IGDCC3: variants seen among roughly 807,000 people sequenced by gnomAD.
IGDCC3 encodes the protein immunoglobulin superfamily DCC subclass member 3, also known as putative neuronal cell adhesion molecule.
Under a neutral mutation model 72.0 loss-of-function variants are expected in IGDCC3, and 47 were observed. The observed-to-expected ratio is 0.65, with a 90% CI of 0.52 to 0.83. IGDCC3 has a LOEUF of 0.83. IGDCC3 is among the 40% of genes least tolerant of loss of function. The pLI is 0.00. For missense variants in IGDCC3, 1,038 were observed against 1,091.3 expected, an observed-to-expected ratio of 0.95 and a Z score of 0.69; for synonymous variants, 477 against 472.8, an observed-to-expected ratio of 1.01 and a Z score of -0.11.
intron 2 of IGDCC3, among the ~76,000 whole-genome samples, chr15:65,337,740 G>A (rs559017290): frequency 6.6e-6 from 1 of 152,152 alleles, no homozygotes; most frequent in Admixed American, 6.5e-5. Flanking sequence ...ATGAGCCCAG[G>A]GAGTGGAGAG....
At chr15:65,332,134 C>T (rs200565305) in intron 6 of IGDCC3, 28 bp from the exon 7 acceptor site, 27 of 1,601,616 alleles carry the variant, frequency 1.7e-5, no homozygotes, top group Non-Finnish European at 2.1e-5. Flanking sequence ...AGGGTGGGGG[C>T]GCAGACAGAC....
chr15:65,348,180 A>G (rs150751421), intron 2 of IGDCC3, among the ~76,000 whole-genome samples: 3,655 of 152,302 alleles, frequency 0.024, 52 homozygotes, highest in African/African-American at 0.041. Flanking sequence ...TTAGCATATC[A>G]TCAAGAAATA....
In IGDCC3 at chr15:65,329,066, T is replaced by C. The variant is rs1206932701; in HGVS notation, c.2288A>G (p.Lys763Arg). 2 of 1,611,776 alleles carry C rather than the reference T, an allele frequency of 1.2e-6. No individual in the cohort carries two copies. Among genetic ancestry groups the C allele is most frequent in the Non-Finnish European group, 1.7e-6 (2 of 1,179,154 alleles). The stretch of plus-strand genomic sequence containing the variant: ...CTCTGTGGTCTTCGCCTCCGTCGTC[T>C]TCCCCTCCATCAGGCCGCACCCCTG... ...PLQGCGLMEG[K>R]TTEAKTTEAT... The change falls in exon 14 of 14, where the codon AAG (lysine) becomes AGG (arginine). Residue 763 changes from lysine to arginine, a missense_variant. By Grantham distance (26) the Lys-to-Arg change is conservative (BLOSUM62 2). Transcript: ENST00000327987. The surrounding 1 kb of genome is among the most constrained non-coding windows in gnomAD (Gnocchi z 4.1).
intron 2 of IGDCC3, among the ~76,000 whole-genome samples, chr15:65,361,252 G>T (rs1372847146): frequency 6.6e-6 from 1 of 150,560 alleles, no homozygotes; most frequent in Non-Finnish European, 1.5e-5. Flanking sequence ...ACATAGTAGG[G>T]TCTAGTTTCT....
At chr15:65,363,650 C>A (rs2091274035) in intron 2 of IGDCC3, among the ~76,000 whole-genome samples, 1 of 149,252 alleles carries the variant, frequency 6.7e-6, no homozygotes, top group Non-Finnish European at 1.5e-5. Context: ...CTGCTGCCCA[C>A]CCCCGCCACC....
At chr15:65,342,030 C>A (rs911033523) in intron 2 of IGDCC3, among the ~76,000 whole-genome samples, 5 of 152,108 alleles carry the variant, frequency 3.3e-5, no homozygotes, top group African/African-American at 1.2e-4. Context: ...CCAGCTGGGC[C>A]TCCCAAAGTG....
chr15:65,366,272 A>G (rs2140168065), intron 2 of IGDCC3, among the ~76,000 whole-genome samples: 1 of 150,738 alleles, frequency 6.6e-6, no homozygotes, highest in South Asian at 2.1e-4. Flanking sequence ...CCAGCTACTC[A>G]GGAGGCTGAG....
At chr15:65,368,385 G>A (rs966016095) in intron 2 of IGDCC3, among the ~76,000 whole-genome samples, 2 of 152,182 alleles carry the variant, frequency 1.3e-5, no homozygotes, top group African/African-American at 2.4e-5. Flanking sequence ...CAGCCAAGGC[G>A]CCTGGCCGCT....
intron 2 of IGDCC3, among the ~76,000 whole-genome samples, chr15:65,336,515 T>C (rs2091030369): frequency 6.6e-6 from 1 of 151,916 alleles, no homozygotes; most frequent in Non-Finnish European, 1.5e-5. Context: ...CGGGAGCTTT[T>C]TTTTGGTCCC....
chr15:65,330,482 C>G (rs1454099541), intron 10 of IGDCC3, 68 bp downstream of exon 10: 1 of 1,570,102 alleles, frequency 6.4e-7, no homozygotes, highest in Admixed American at 1.7e-5. Flanking sequence ...GACCCCTGTA[C>G]GCCACCTCCT....
At chr15:65,344,831 G>A (rs2091112992) in intron 2 of IGDCC3, among the ~76,000 whole-genome samples, 1 of 152,192 alleles carries the variant, frequency 6.6e-6, no homozygotes, top group South Asian at 2.1e-4. Flanking sequence ...GGGGCTGTGT[G>A]CTGTGGGATG....
In IGDCC3 at chr15:65,329,093, A is replaced by C. The variant is rs972299098; in HGVS notation, c.2261T>G (p.Leu754Arg). 3 of 1,611,014 alleles carry C rather than the reference A, an allele frequency of 1.9e-6. No individual in the cohort carries two copies. The highest frequency in any genetic ancestry group is 2.5e-6 in the Non-Finnish European group (3 of 1,179,034). The change falls in exon 14 of 14, where the codon CTT becomes CGT. Residue 754 changes from leucine to arginine, a missense_variant. By Grantham distance (102) the Leu-to-Arg change is moderately radical. Transcript: ENST00000327987. This position sits in a 1 kb window ranked among gnomAD's most constrained non-coding sequence, Gnocchi z 4.1. The part of the protein sequence containing the change: ...CEETQLSVLP[L>R]QGCGLMEGKT... Reference sequence around the variant, plus strand: ...CCCCTCCATCAGGCCGCACCCCTGAAGTGGCAGCACGGAGAGCTGGGTCTC... The same window carrying C: ...CCCCTCCATCAGGCCGCACCCCTGACGTGGCAGCACGGAGAGCTGGGTCTC...
chr15:65,356,390 C>G (rs1049878517), intron 2 of IGDCC3: 3 of 152,248 alleles, frequency 2.0e-5, no homozygotes, highest in Non-Finnish European at 4.4e-5. Context: ...AAGGGGAGGT[C>G]TGCAAAGCAA....
chr15:65,343,409 G>C (rs1595755370), intron 2 of IGDCC3, among the ~76,000 whole-genome samples: 1 of 149,544 alleles, frequency 6.7e-6, no homozygotes, highest in South Asian at 2.2e-4. Context: ...GGTGTGGGGG[G>C]AGGACATGTG....
chr15:65,372,095 C>G (rs187286408), intron 2 of IGDCC3, among the ~76,000 whole-genome samples: 110 of 152,274 alleles, frequency 7.2e-4, no homozygotes, highest in Non-Finnish European at 1.3e-3. Flanking sequence ...CCATGGGCAG[C>G]CAAGATTACA....
At chr15:65,347,968 A>G (rs188332923) in intron 2 of IGDCC3, among the ~76,000 whole-genome samples, 189 of 140,932 alleles carry the variant, frequency 1.3e-3, no homozygotes, top group African/African-American at 4.7e-3. Context: ...CAACAACAAA[A>G]CAAACAAACA....
intron 6 of IGDCC3, among the ~76,000 whole-genome samples, chr15:65,332,887 G>A (rs2090990908): frequency 6.6e-6 from 1 of 152,246 alleles, no homozygotes; most frequent in African/African-American, 2.4e-5. Flanking sequence ...CAGGCAGGCA[G>A]GTGTGAGCGT....
At chr15:65,375,053 AC>A (rs759243685) in intron 2 of IGDCC3, 43 bp downstream of exon 2, 1 of 1,560,346 alleles carries the variant, frequency 6.4e-7, no homozygotes, top group Admixed American at 1.7e-5. Flanking sequence ...ACCCTGGATC[AC>A]CAGCTGGCTT....
chr15:65,351,262 C>T (rs534437722), intron 2 of IGDCC3, among the ~76,000 whole-genome samples: 3 of 152,160 alleles, frequency 2.0e-5, no homozygotes, highest in African/African-American at 4.8e-5. Flanking sequence ...ACCGGCTGGG[C>T]GCAGTGGCTC....
Sources: allele counts gnomAD v4.1 joint callset (sites outside exome capture counted in the v4.1 genomes callset), GRCh38; gene constraint gnomAD v4.1.1; non-coding constraint Gnocchi (gnomAD v3.1); transcripts MANE v1.5; gene names NCBI Gene and HGNC (gene_info 2026-07-23, HGNC 2026-07-21).